Variants in SLC25A14 observed in about 807,000 individuals in gnomAD.
The protein encoded by SLC25A14 is solute carrier family 25 member 14.
Under a neutral mutation model 28.1 loss-of-function variants are expected in SLC25A14, and 8 were observed. The ratio of observed to expected loss-of-function variants is 0.28; its 90% confidence interval spans 0.17 to 0.51. The LOEUF (loss-of-function observed/expected upper bound fraction) is 0.51, where lower values mean the gene tolerates loss of function less well. SLC25A14 is among the 20% of genes least tolerant of loss of function. The pLI is 0.97. For synonymous variants in SLC25A14, 74 were observed against 90.6 expected (o/e 0.82, Z 1.04); for missense variants, 135 against 263.8 (o/e 0.51, Z 3.38).
intron 3 of SLC25A14, 69 bp from the exon 4 acceptor site, chrX:130,346,475 G>A (rs1312559492): frequency 1.3e-4 from 121 of 932,973 alleles, no homozygotes; most frequent in Non-Finnish European, 1.8e-4. Flanking sequence ...ATTGTCCTTG[G>A]CTTATATTTA....
intron 5 of SLC25A14, 172 bp downstream of exon 5, chrX:130,349,517 G>A (rs2033560169): frequency 3.3e-6 from 1 of 301,854 alleles, no homozygotes. Flanking sequence ...ATGAATTAGA[G>A]AGACCTGTTC....
At chrX:130,370,699 T>C (rs1363372093) in intron 9 of SLC25A14, among the ~76,000 whole-genome samples, 2 of 111,957 alleles carry the variant, frequency 1.8e-5, no homozygotes, top group Non-Finnish European at 3.8e-5. Context: ...TGCCCAACTT[T>C]CTATTTTCTT....
At chrX:130,358,556 A>T (rs2033863693) in intron 6 of SLC25A14, 84 bp from the exon 7 acceptor site, 2 of 610,206 alleles carry the variant, frequency 3.3e-6, no homozygotes, top group Admixed American at 3.0e-5. Flanking sequence ...AGATGAATTT[A>T]AAATGAATTT....
Position 130,367,480 on chromosome X carries a change from CATATGGATAT to C in SLC25A14, c.855+1805_855+1814del, listed in dbSNP as rs201362699. ...GTGCATGAGGAAAATCCAGTGGATA[CATATGGATAT>C]TCTAGCCCTGACTCAAGAGAGGGTT... On this transcript the variant is annotated intron_variant, in intron 9 of 10. Transcript: ENST00000545805. Among the ~76,000 whole-genome samples, 18 of 111,579 alleles carry C rather than the reference CATATGGATAT, an allele frequency of 1.6e-4. No individual in the cohort carries two copies. In the East Asian group the frequency reaches 4.5e-3, roughly 28 times the overall value.
chrX:130,343,330 A>G (rs1293508708), intron 2 of SLC25A14, among the ~76,000 whole-genome samples: 1 of 111,969 alleles, frequency 8.9e-6, no homozygotes, highest in Non-Finnish European at 1.9e-5. Flanking sequence ...ATCAATTCTA[A>G]TTGGAAAATG....
chrX:130,372,526 G>A (rs765422212), intron 10 of SLC25A14, among the ~76,000 whole-genome samples: 1 of 107,455 alleles, frequency 9.3e-6, no homozygotes, highest in Non-Finnish European at 1.9e-5. Flanking sequence ...GCAGTGGCGC[G>A]ATCTCGGCTC....
At chrX:130,341,878 G>A (rs1379254197) in intron 2 of SLC25A14, among the ~76,000 whole-genome samples, 2 of 111,864 alleles carry the variant, frequency 1.8e-5, no homozygotes, top group Non-Finnish European at 3.8e-5. Flanking sequence ...AACAGGGTTC[G>A]CAGGCAGAGA....
intron 3 of SLC25A14, 24 bp downstream of exon 3, chrX:130,345,299 T>G: frequency 1.0e-6 from 1 of 958,509 alleles, no homozygotes; most frequent in Non-Finnish European, 1.5e-6. Flanking sequence ...AAATGACAAA[T>G]CTGCATTATA....
chrX:130,346,817 T>G, intron 4 of SLC25A14, 126 bp downstream of exon 4: 1 of 536,298 alleles, frequency 1.9e-6, no homozygotes, highest in South Asian at 3.9e-5. Context: ...AGTATTGATA[T>G]GCCAGTTTAT....
chrX:130,372,915 A>G lies in SLC25A14; in HGVS notation c.943A>G (p.Ile315Val). ...TCCTTGACTTACTCCTCAGTTTTTT[A>G]TTACATACGAGCAGCTAAAGAGGCT... ...RLGPWNIIFF[I>V]TYEQLKRLQI is the part of the protein sequence containing the mutation. Residue 315 changes from isoleucine (I) to valine (V), a missense_variant, in exon 11 of 11, where the codon ATT becomes GTT. Transcript: ENST00000545805. The G allele has an allele frequency of 8.4e-7, 1 of 1,187,548 alleles. No homozygotes were observed. Among genetic ancestry groups the G allele is most frequent in the Non-Finnish European group, 1.1e-6 (1 of 876,809 alleles).
At chrX:130,346,761 T>C in intron 4 of SLC25A14, 70 bp downstream of exon 4, 1 of 923,764 alleles carries the variant, frequency 1.1e-6, no homozygotes. Context: ...TTCAGCTGTC[T>C]GATAGTTTGT....
rs41304520 is a variant in SLC25A14, at chrX:130,365,556, T to G, written c.735T>G (p.Cys245Trp). ...TTCCTCTTAGTTCCAGCTTTACATG[T>G]GGTTTGGCTGGGGCTCTGGCCTCCA... The part of the protein sequence containing the change: ...ILTHFVSSFT[C>W]GLAGALASNP... The change falls in exon 9 of 11, where the codon TGT (cysteine) becomes TGG (tryptophan). Residue 245 changes from cysteine to tryptophan, a missense_variant. Cys to Trp is a radical substitution (Grantham distance 215, BLOSUM62 -2). Transcript: ENST00000545805. The G allele has an allele frequency of 8.3e-7, 1 of 1,209,808 alleles. No individual in the cohort carries two copies. The highest frequency in any genetic ancestry group is 1.1e-6 in the Non-Finnish European group (1 of 894,986).
chrX:130,365,379 T>C (rs2034089991), intron 8 of SLC25A14, 162 bp from the exon 9 acceptor site: 1 of 1,036,001 alleles, frequency 9.7e-7, no homozygotes, highest in Admixed American at 4.5e-5. Flanking sequence ...ATGATGTCTC[T>C]TTAGAAAAAT....
At chrX:130,359,457 T>C (rs1410815850) in intron 7 of SLC25A14, among the ~76,000 whole-genome samples, 1 of 107,645 alleles carries the variant, frequency 9.3e-6, no homozygotes, top group Non-Finnish European at 1.9e-5. Context: ...TGAGAAAATA[T>C]AGAAAAGTAA....
intron 6 of SLC25A14, among the ~76,000 whole-genome samples, chrX:130,356,317 C>T (rs2033790925): frequency 1.0e-5 from 1 of 99,833 alleles, no homozygotes; most frequent in Non-Finnish European, 2.0e-5. Context: ...ACCTCCACTT[C>T]CTGGGTTCAA....
chrX:130,349,915 T>C (rs2033572518), intron 5 of SLC25A14: 1 of 111,978 alleles, frequency 8.9e-6, no homozygotes, highest in South Asian at 3.7e-4. Flanking sequence ...GTCAACTTTT[T>C]CTGAAGCCTT....
At chrX:130,350,231 AG>A (rs751098831) in intron 5 of SLC25A14, among the ~76,000 whole-genome samples, 21 of 111,993 alleles carry the variant, frequency 1.9e-4, no homozygotes, top group African/African-American at 5.5e-4. Context: ...TTTTTGTATT[AG>A]ACGTAAGATT....
intron 7 of SLC25A14, among the ~76,000 whole-genome samples, chrX:130,359,352 C>CAAAAAA (rs55826694): frequency 1.4e-3 from 35 of 25,242 alleles, no homozygotes; most frequent in East Asian, 2.5e-3. Context: ...GACTCTGTCT[C>CAAAAAA]AAAAAAAAAA....
intron 6 of SLC25A14, among the ~76,000 whole-genome samples, chrX:130,354,502 T>G (rs1040075026): frequency 8.9e-6 from 1 of 112,010 alleles, no homozygotes; most frequent in Non-Finnish European, 1.9e-5. Context: ...AAATAAAAGG[T>G]CTCCATATAC....
Sources: gnomAD v4.1 joint callset for allele counts (sites outside exome capture counted in the v4.1 genomes callset) on GRCh38, gnomAD v4.1.1 for gene constraint, MANE v1.5 for transcripts, NCBI Gene and HGNC (gene_info 2026-07-23, HGNC 2026-07-21) for gene names.